The following POLR2C variants were observed in gnomAD, a reference collection of about 807,000 sequenced individuals.
The protein encoded by POLR2C is RNA polymerase II subunit C.
POLR2C carries 36 observed loss-of-function variants against 41.7 expected under a neutral mutation model. That is an observed-to-expected ratio of 0.86 (90% CI 0.66 to 1.14). The LOEUF is 1.14. Among genes scored for constraint, POLR2C ranks in the 50% most tolerant of loss-of-function variants. The pLI, the probability that POLR2C is intolerant of heterozygous loss-of-function variation, is 0.00. For missense variants in POLR2C, 260 were observed against 350.4 expected, an observed-to-expected ratio of 0.74 and a Z score of 2.06; for synonymous variants, 133 against 137.8, an observed-to-expected ratio of 0.96 and a Z score of 0.25.
Position 57,462,689 on chromosome 16 carries a change from C to T in POLR2C, c.-36C>T. ...TGGCGGTGGCGCCGCGCAGTCACCG[C>T]GGAGCAGACGCGGAGGCTGGTGGCC... On this transcript the variant is annotated 5_prime_UTR_variant, in exon 1 of 9. Transcript: ENST00000219252. The T allele has an allele frequency of 6.6e-7, 1 of 1,524,210 alleles. No individual in the cohort carries two copies. Among genetic ancestry groups the T allele is most frequent in the Non-Finnish European group, 9.0e-7 (1 of 1,117,234 alleles). The allele number at this position is 1,524,210 out of a possible 1,614,324, so 94.4% of individuals were successfully genotyped here. A position where few individuals can be genotyped will look rare whatever the true frequency, so the allele number is the denominator to read the frequency against.
chr16:57,465,894 AT>A lies in POLR2C; in HGVS notation c.137-57del, dbSNP rs1400973778. 3 of 1,050,602 alleles carry A rather than the reference AT, an allele frequency of 2.9e-6. No homozygotes were observed. The African/African-American group carries it at 4.7e-5, about 17-fold the overall frequency. 65.1% of individuals were successfully genotyped at this position (1,050,602 alleles called of 1,614,324 possible). On this transcript the variant is annotated intron_variant, in intron 2 of 8. Coordinates refer to ENST00000219252, the MANE Select transcript of POLR2C (RefSeq NM_032940.3). ...ATTCCTAAATCTTGAGAACCACTGC[AT>A]TAAGTCTGTAGGTAAATTTGATGGC...
intron 2 of POLR2C, 112 bp downstream of exon 2, chr16:57,463,190 C>A: frequency 1.1e-6 from 1 of 902,416 alleles, no homozygotes; most frequent in Non-Finnish European, 1.8e-6. Context: ...GGTGGTAGTG[C>A]TGAGAAAAGT....
chr16:57,465,960 C>G lies in POLR2C; in HGVS notation c.144C>G (p.Asp48Glu). The G allele has an allele frequency of 6.3e-7, 1 of 1,597,204 alleles. No individual in the cohort carries two copies. Among genetic ancestry groups the G allele is most frequent in the Non-Finnish European group, 8.6e-7 (1 of 1,164,764 alleles). Residue 48 changes from aspartate (D) to glutamate (E), a missense_variant, in exon 3 of 9, where the codon GAC becomes GAG. Physicochemically the swap from Asp to Glu is conservative, Grantham distance 45. Coordinates refer to ENST00000219252, the MANE Select transcript of POLR2C (RefSeq NM_032940.3). ...GCTTCTTTCATTTTTTAGCCATTGA[C>G]TGGGTTCAGATTGATGCCAATTCCT... ...FIAEVPIIAI[D>E]WVQIDANSSV...
Position 57,469,327 on chromosome 16 carries a change from A to G in POLR2C, c.387+34A>G, listed in dbSNP as rs1485435489. ...GGGAGAGCATCCTCTTTTCCCTGGG[A>G]TCTTTTCTCTTCTCTGGCTGGCTCC... On this transcript the variant is annotated intron_variant, in intron 5 of 8. Transcript: ENST00000219252. The surrounding 1 kb of genome is among the most constrained non-coding windows in gnomAD (Gnocchi z 5.8). 6.2e-7 allele frequency: 1 copy of G among 1,611,290 alleles called. No individual in the cohort carries two copies. Among genetic ancestry groups the G allele is most frequent in the Non-Finnish European group, 8.5e-7 (1 of 1,179,018 alleles).
At position 57,469,519 on chromosome 16, in the gene POLR2C, A is replaced by T; in HGVS notation, c.388-191A>T. 1.4e-6 allele frequency: 1 copy of T among 730,394 alleles called. No individual in the cohort carries two copies. Among genetic ancestry groups the T allele is most frequent in the Non-Finnish European group, 2.4e-6 (1 of 417,072 alleles). 45.2% of individuals were successfully genotyped at this position (730,394 alleles called of 1,614,324 possible). A position where few individuals can be genotyped will look rare whatever the true frequency, so the allele number is the denominator to read the frequency against. ...CCAGGGACTCTTTTAAAGGCCATGG[A>T]ATTGTTTTGCCTGAGGCTACCACCA... On this transcript the variant is annotated intron_variant, in intron 5 of 8. Transcript: ENST00000219252. The surrounding 1 kb of genome is among the most constrained non-coding windows in gnomAD (Gnocchi z 5.8).
rs780477014 is a variant in POLR2C at position 57,462,803 on chromosome 16, G to A, written c.79G>A (p.Asp27Asn). The A allele has an allele frequency of 6.3e-7, 1 of 1,599,072 alleles. No homozygotes were observed. Reference sequence around the variant, plus strand: ...TGTCAAGTTCATCATCGAGAACACCGACCTGGCGTAAGGCTACCGAGGGAA... The same window carrying A: ...TGTCAAGTTCATCATCGAGAACACCAACCTGGCGTAAGGCTACCGAGGGAA... ...ENVKFIIENT[D>N]LAVANSIRRV... Residue 27 changes from aspartate to asparagine, a missense_variant, in exon 1 of 9, where the codon GAC (aspartate) becomes AAC (asparagine). By Grantham distance (23) the Asp-to-Asn change is conservative. Coordinates refer to ENST00000219252, the MANE Select transcript of POLR2C (RefSeq NM_032940.3).
At chr16:57,463,679 C>T (rs564070579) in intron 2 of POLR2C, 3 of 452,710 alleles carry the variant, frequency 6.6e-6, no homozygotes, top group African/African-American at 4.0e-5. Context: ...AGGCCGCGCT[C>T]GCGCCTGTAA....
intron 1 of POLR2C, 22 bp downstream of exon 1, chr16:57,462,832 G>C: frequency 6.3e-7 from 1 of 1,589,594 alleles, no homozygotes; most frequent in Non-Finnish European, 8.6e-7. Context: ...GAGGGAAGAG[G>C]CTGGCGGCTC....
chr16:57,462,720 G>C lies in POLR2C; in HGVS notation c.-5G>C. On this transcript the variant is annotated 5_prime_UTR_variant, in exon 1 of 9. Coordinates refer to ENST00000219252, the MANE Select transcript of POLR2C (RefSeq NM_032940.3). Reference sequence around the variant, plus strand: ...AGACGCGGAGGCTGGTGGCCCCTGGGCGAGATGCCGTACGCCAACCAGCCT... The same window carrying C: ...AGACGCGGAGGCTGGTGGCCCCTGGCCGAGATGCCGTACGCCAACCAGCCT... 6.3e-7 allele frequency: 1 copy of C among 1,592,942 alleles called. No individual in the cohort carries two copies. The highest frequency in any genetic ancestry group is 8.5e-7 in the Non-Finnish European group (1 of 1,170,620).
chr16:57,469,376 C>G lies in POLR2C; in HGVS notation c.387+83C>G. 1 of 1,477,506 alleles carries G rather than the reference C, an allele frequency of 6.8e-7. No homozygotes were observed. The highest frequency in any genetic ancestry group is 9.5e-7 in the Non-Finnish European group (1 of 1,057,246). The allele number at this position is 1,477,506 out of a possible 1,614,324, so 91.5% of individuals were successfully genotyped here. ...CCAAGTGGGCCAGACTGGGGTTGAT[C>G]CTTAGAAAATGTTGGCTTTCCCTGT... On this transcript the variant is annotated intron_variant, in intron 5 of 8. Coordinates refer to ENST00000219252, the MANE Select transcript of POLR2C (RefSeq NM_032940.3). The surrounding 1 kb of genome is among the most constrained non-coding windows in gnomAD (Gnocchi z 5.8).
At position 57,468,784 on chromosome 16, in the gene POLR2C, CCT is replaced by C. The variant is rs201582311; in HGVS notation, c.259-378_259-377del. Reference sequence around the variant, plus strand: ...ATGATGGTTACATTCCCAAGCTGGTCCTCTTAGTTCTTGGGAAGCTGAACTAT... The same window carrying C: ...ATGATGGTTACATTCCCAAGCTGGTCCTTAGTTCTTGGGAAGCTGAACTAT... On this transcript the variant is annotated intron_variant, in intron 4 of 8. Coordinates refer to ENST00000219252, the MANE Select transcript of POLR2C (RefSeq NM_032940.3). Among the ~76,000 whole-genome samples the C allele has an allele frequency of 2.8e-4, 43 of 152,176 alleles. No homozygotes were observed. In the East Asian group the frequency reaches 7.1e-3, roughly 25 times the overall value.
chr16:57,468,486 C>T (rs2030758388), intron 4 of POLR2C, among the ~76,000 whole-genome samples: 2 of 152,192 alleles, frequency 1.3e-5, no homozygotes, highest in East Asian at 1.9e-4. Context: ...AGGGAGAGAA[C>T]AGCTTGCTTG....
chr16:57,464,927 A>G (rs1042470228), intron 2 of POLR2C, among the ~76,000 whole-genome samples: 13 of 152,210 alleles, frequency 8.5e-5, no homozygotes, highest in African/African-American at 3.1e-4. Context: ...AGGTATAGAC[A>G]TAACATACAC....
rs751028093 is a variant in POLR2C at position 57,469,329 on chromosome 16, C to T, written c.387+36C>T. On this transcript the variant is annotated intron_variant, in intron 5 of 8. Transcript: ENST00000219252. The surrounding 1 kb of genome is among the most constrained non-coding windows in gnomAD (Gnocchi z 5.8). Reference sequence around the variant, plus strand: ...GAGAGCATCCTCTTTTCCCTGGGATCTTTTCTCTTCTCTGGCTGGCTCCAA... The same window carrying T: ...GAGAGCATCCTCTTTTCCCTGGGATTTTTTCTCTTCTCTGGCTGGCTCCAA... 1.1e-5 allele frequency: 18 copies of T among 1,612,588 alleles called. No homozygotes were observed. In the South Asian group the frequency reaches 1.8e-4, roughly 16 times the overall value.
At chr16:57,465,074 A>G (rs1300455719) in intron 2 of POLR2C, among the ~76,000 whole-genome samples, 1 of 152,174 alleles carries the variant, frequency 6.6e-6, no homozygotes, top group African/African-American at 2.4e-5. Flanking sequence ...CAGGAGGCAC[A>G]GAGGATCTTA....
In POLR2C at chr16:57,462,769, T is replaced by A. The variant is rs145462375; in HGVS notation, c.45T>A (p.Thr15=). The A allele has an allele frequency of 6.2e-7, 1 of 1,609,426 alleles. No individual in the cohort carries two copies. ...CTACCGTGCGGATCACGGAGCTCAC[T>A]GACGAGAATGTCAAGTTCATCATCG... ...NQPTVRITEL[T]DENVKFIIEN... is the part of the protein sequence containing the mutation. The change falls in exon 1 of 9, where the codon ACT becomes ACA. Residue 15 remains threonine (T), a synonymous_variant. Coordinates refer to ENST00000219252, the MANE Select transcript of POLR2C (RefSeq NM_032940.3).
intron 8 of POLR2C, among the ~76,000 whole-genome samples, chr16:57,470,714 T>C (rs1024625046): frequency 2.0e-5 from 3 of 152,236 alleles, no homozygotes; most frequent in South Asian, 2.1e-4. Context: ...CACTCTCTCC[T>C]CAGGGGGCAT....
intron 2 of POLR2C, chr16:57,463,816 AC>A (rs1381123179): frequency 3.1e-6 from 1 of 325,622 alleles, no homozygotes; most frequent in African/African-American, 2.2e-5. Flanking sequence ...GGTGGCTCCC[AC>A]CTGTAATCCC....
chr16:57,466,872 C>T (rs1334974889), intron 4 of POLR2C, among the ~76,000 whole-genome samples: 4 of 152,114 alleles, frequency 2.6e-5, no homozygotes, highest in African/African-American at 9.7e-5. Context: ...TTCTAATATT[C>T]TCAAGGGCCA....
Sources: allele counts gnomAD v4.1 joint callset (sites outside exome capture counted in the v4.1 genomes callset), GRCh38; gene constraint gnomAD v4.1.1; non-coding constraint Gnocchi (gnomAD v3.1); transcripts MANE v1.5; gene names NCBI Gene and HGNC (gene_info 2026-07-23, HGNC 2026-07-21).